The following ZNF536 variants were observed in gnomAD, a reference collection of about 807,000 sequenced individuals.
The protein encoded by ZNF536 is zinc finger protein 536.
A neutral mutation model predicts 84.5 loss-of-function variants in ZNF536; 13 were observed. The ratio of observed to expected loss-of-function variants is 0.15; its 90% CI spans 0.10 to 0.24. The LOEUF is 0.24. ZNF536 is among the 10% of genes least tolerant of loss of function. ZNF536 has a pLI of 1.00. For missense variants in ZNF536, 1,536 were observed against 1,747.5 expected, an observed-to-expected ratio of 0.88 and a Z score of 2.16; for synonymous variants, 811 against 742.5, an observed-to-expected ratio of 1.09 and a Z score of -1.50.
At chr19:30,236,007 G>A (rs554036936) in intron 1 of ZNF536, among the ~76,000 whole-genome samples, 3 of 152,212 alleles carry the variant, frequency 2.0e-5, no homozygotes, top group Non-Finnish European at 2.9e-5. Context: ...ATTCCCCAAC[G>A]TTTCCACCCG....
intron 1 of ZNF536, among the ~76,000 whole-genome samples, chr19:30,375,789 T>A (rs1260083986): frequency 6.6e-6 from 1 of 152,172 alleles, no homozygotes; most frequent in African/African-American, 2.4e-5. Context: ...GTGTCCGTAT[T>A]TGAGTGCTTA....
intron 2 of ZNF536, among the ~76,000 whole-genome samples, chr19:30,531,623 G>T (rs190054254): frequency 6.6e-6 from 1 of 152,064 alleles, no homozygotes; most frequent in East Asian, 1.9e-4. Context: ...GGAATCCCCA[G>T]TGTCCATATA....
At chr19:30,368,952 G>T (rs1316123549), upstream of ZNF536, among the ~76,000 whole-genome samples, 1 of 152,220 alleles carries the variant, frequency 6.6e-6, no homozygotes, top group Non-Finnish European at 1.5e-5. Flanking sequence ...ATACCAGCTT[G>T]TCTGTAGCCC....
chr19:30,479,821 C>T (rs1208898441), intron 2 of ZNF536, among the ~76,000 whole-genome samples: 1 of 152,258 alleles, frequency 6.6e-6, no homozygotes, highest in African/African-American at 2.4e-5. Flanking sequence ...TAACCAGCCA[C>T]TGATCCACTT....
Position 30,521,204 on chromosome 19 carries a change from A to C in ZNF536, c.2171-13643A>C, listed in dbSNP as rs564486435. On this transcript the variant is annotated intron_variant, in intron 2 of 4. Coordinates refer to ENST00000355537, the MANE Select transcript of ZNF536 (RefSeq NM_014717.3). ...GGTGTTTTGAGGTGCTCGAATGCCC[A>C]GGCAAGCCTGTTCAGGCAGCATTAA... is the stretch of plus-strand genomic sequence containing the variant. Among the ~76,000 whole-genome samples the C allele has an allele frequency of 2.0e-5, 3 of 152,352 alleles. No individual in the cohort carries two copies. In the East Asian group the frequency reaches 5.8e-4, roughly 29 times the overall value.
At chr19:30,334,757 G>A (rs527698580) in intron 2 of ZNF536, among the ~76,000 whole-genome samples, 5 of 152,254 alleles carry the variant, frequency 3.3e-5, no homozygotes, top group Admixed American at 6.5e-5. Flanking sequence ...TTTTGGCACC[G>A]GGGATCTGTT....
At chr19:30,279,796 T>C (rs2045371645) in intron 1 of ZNF536, among the ~76,000 whole-genome samples, 1 of 152,182 alleles carries the variant, frequency 6.6e-6, no homozygotes, top group African/African-American at 2.4e-5. Context: ...CACCCAGCTG[T>C]TTCCCCTCTG....
At position 30,228,875 on chromosome 19, in the gene ZNF536, A is replaced by G. The variant is rs2022794646; in HGVS notation, c.-190+202A>G. On this transcript the variant is annotated intron_variant, in intron 1 of 5. Transcript: ENST00000585628. The surrounding 1 kb of genome is among the most constrained non-coding windows in gnomAD (Gnocchi z 4.5). ...CTTTTTTTTTTTCCCCCGTCTGCTG[A>G]CTTTTCGGGCCAGGTGAAGTGTTTG... is the stretch of plus-strand genomic sequence containing the variant. 6.7e-6 allele frequency among the ~76,000 whole-genome samples: 1 copy of G among 148,260 alleles called. No individual in the cohort carries two copies. The highest frequency in any genetic ancestry group is 2.1e-4 in the South Asian group (1 of 4,688).
At chr19:30,466,667 G>T (rs1316515408) in intron 2 of ZNF536, among the ~76,000 whole-genome samples, 1 of 113,266 alleles carries the variant, frequency 8.8e-6, no homozygotes, top group Non-Finnish European at 1.6e-5. Flanking sequence ...ATGGAGTTTT[G>T]CTCTGTTGTC....
At chr19:30,606,337 G>A (rs1012570961) in intron 1 of ZNF536, among the ~76,000 whole-genome samples, 18 of 150,494 alleles carry the variant, frequency 1.2e-4, no homozygotes, top group African/African-American at 3.9e-4. Flanking sequence ...TGCCTGCAAG[G>A]ACACACACAC....
chr19:30,379,457 G>T (rs1178142773), intron 1 of ZNF536, among the ~76,000 whole-genome samples: 1 of 151,968 alleles, frequency 6.6e-6, no homozygotes, highest in Admixed American at 6.6e-5. Context: ...GTGCGTCATG[G>T]GGGTGTGTTG....
chr19:30,526,069 AC>A (rs1383934317), intron 2 of ZNF536, among the ~76,000 whole-genome samples: 1 of 152,082 alleles, frequency 6.6e-6, no homozygotes, highest in Non-Finnish European at 1.5e-5. Context: ...TTCTTAGGTG[AC>A]CCTGCTCAGC....
At chr19:30,485,151 T>TAAATAAATAAAA (rs1432220851) in intron 2 of ZNF536, among the ~76,000 whole-genome samples, 144 of 148,780 alleles carry the variant, frequency 9.7e-4, no homozygotes, top group African/African-American at 3.5e-3. Flanking sequence ...CTCAAAAACA[T>TAAATAAATAAAA]AAATAAATAA....
intron 1 of ZNF536, among the ~76,000 whole-genome samples, chr19:30,569,960 C>T (rs1262504616): frequency 2.0e-5 from 3 of 152,132 alleles, no homozygotes; most frequent in Non-Finnish European, 4.4e-5. Flanking sequence ...CAATGTTCTC[C>T]CCTGGGGGAC....
chr19:30,617,333 C>CTTTTTTTTTTTTTTTTTTTT lies in ZNF536; in HGVS notation c.169+67833_169+67852dup, dbSNP rs556835599. Among the ~76,000 whole-genome samples the CTTTTTTTTTTTTTTTTTTTT allele has an allele frequency of 1.0e-3, 38 of 37,712 alleles. 12 individuals carry two copies. The highest frequency in any genetic ancestry group is 2.1e-3 in the Admixed American group (4 of 1,918). 24.7% of individuals were successfully genotyped at this position (37,712 alleles called of 152,430 possible). A position where few individuals can be genotyped will look rare whatever the true frequency, so the allele number is the denominator to read the frequency against. On this transcript the variant is annotated intron_variant, in intron 1 of 1. Transcript: ENST00000592773. Reference sequence around the variant, plus strand: ...GAGTCCACCATATCTGAATAGCTTACTTTTTTTTTTTTTTTTTTTTTTTTT... The same window carrying CTTTTTTTTTTTTTTTTTTTT: ...GAGTCCACCATATCTGAATAGCTTACTTTTTTTTTTTTTTTTTTTTTTTTTTTTTTTTTTTTTTTTTTTTT...
intron 2 of ZNF536, among the ~76,000 whole-genome samples, chr19:30,312,259 G>C (rs573867316): frequency 6.6e-6 from 1 of 152,066 alleles, no homozygotes; most frequent in Non-Finnish European, 1.5e-5. Context: ...GTGGGGAGAA[G>C]AGAAGGTCTG....
chr19:30,693,278 C>A (rs1350992761), intron 1 of ZNF536, among the ~76,000 whole-genome samples: 1 of 152,148 alleles, frequency 6.6e-6, no homozygotes, highest in Non-Finnish European at 1.5e-5. Context: ...AAGGATGATA[C>A]CAAGATGGCG....
intron 1 of ZNF536, among the ~76,000 whole-genome samples, chr19:30,264,861 C>CTA (rs1294818976): frequency 6.6e-6 from 1 of 152,028 alleles, no homozygotes; most frequent in Non-Finnish European, 1.5e-5. Context: ...CCAAGCTCCA[C>CTA]ACCAGGCTGT....
intron 1 of ZNF536, among the ~76,000 whole-genome samples, chr19:30,570,478 A>G (rs757257954): frequency 1.6e-4 from 24 of 152,188 alleles, no homozygotes; most frequent in Non-Finnish European, 2.6e-4. Flanking sequence ...GCACGTAGAT[A>G]TTACCACTTT....
Sources: allele counts gnomAD v4.1 joint callset (sites outside exome capture counted in the v4.1 genomes callset), GRCh38; gene constraint gnomAD v4.1.1; non-coding constraint Gnocchi (gnomAD v3.1); transcripts MANE v1.5; gene names NCBI Gene and HGNC (gene_info 2026-07-23, HGNC 2026-07-21).